Variants in SUGCT observed in about 807,000 individuals in gnomAD.
The protein encoded by SUGCT is succinyl-CoA:glutarate CoA-transferase.
Under a neutral mutation model 55.0 loss-of-function variants are expected in SUGCT, and 41 were observed. That is an observed-to-expected ratio of 0.74 (90% CI 0.58 to 0.97). The LOEUF (loss-of-function observed/expected upper bound fraction) is 0.97. SUGCT is among the 50% of genes least tolerant of loss of function. The pLI, the probability that SUGCT is intolerant of heterozygous loss-of-function variation, is 0.00. For missense variants in SUGCT, 568 were observed against 547.8 expected (o/e 1.04, Z -0.37); for synonymous variants, 187 against 200.4 (o/e 0.93, Z 0.56).
chr7:40,499,121 T>C (rs1394518169), intron 12 of SUGCT: 1 of 456,724 alleles, frequency 2.2e-6, no homozygotes, highest in Admixed American at 2.3e-5. Context: ...CTGGCGCGTG[T>C]GGCCCACTCT....
At chr7:40,260,906 C>T (rs766977719) in intron 7 of SUGCT, among the ~76,000 whole-genome samples, 11 of 152,210 alleles carry the variant, frequency 7.2e-5, no homozygotes, top group South Asian at 2.1e-4. Flanking sequence ...GCTGGGATTA[C>T]AGGTGTGAGC....
intron 13 of SUGCT, among the ~76,000 whole-genome samples, chr7:40,837,787 T>C (rs1793067952): frequency 6.6e-6 from 1 of 152,098 alleles, no homozygotes; most frequent in African/African-American, 2.4e-5. Flanking sequence ...CTAATTTTTG[T>C]ATTTTTAGTA....
chr7:40,328,693 C>A (rs1389037014), intron 9 of SUGCT, among the ~76,000 whole-genome samples: 1 of 151,858 alleles, frequency 6.6e-6, no homozygotes, highest in Non-Finnish European at 1.5e-5. Flanking sequence ...CTTTATTGAA[C>A]AAGAAAGTGG....
At chr7:40,628,032 AT>A (rs1375429532) in intron 12 of SUGCT, among the ~76,000 whole-genome samples, 2 of 152,162 alleles carry the variant, frequency 1.3e-5, no homozygotes, top group African/African-American at 4.8e-5. Context: ...ATTTAAATGT[AT>A]TGTGCAGTAG....
In SUGCT at chr7:40,274,543, A is replaced by T; in HGVS notation, c.607A>T (p.Met203Leu). 6.2e-7 allele frequency: 1 copy of T among 1,613,802 alleles called. No homozygotes were observed. Among genetic ancestry groups the T allele is most frequent in the African/African-American group, 1.3e-5 (1 of 75,058 alleles). ...AGATCCAGTTCGCCCAGGAGTAGCT[A>T]TGACTGATCTTGCCACTGGCCTGTA... is the stretch of plus-strand genomic sequence containing the variant. ...NGDPVRPGVAMTDLATGLYAY... is the reference protein window; with the variant it reads ...NGDPVRPGVALTDLATGLYAY... Residue 203 changes from methionine (M) to leucine (L), a missense_variant, in exon 8 of 14, where the codon ATG becomes TTG. Coordinates refer to ENST00000335693, the MANE Select transcript of SUGCT (RefSeq NM_001193313.2).
chr7:40,830,893 C>T (rs1425222566), intron 13 of SUGCT, among the ~76,000 whole-genome samples: 1 of 152,162 alleles, frequency 6.6e-6, no homozygotes, highest in Non-Finnish European at 1.5e-5. Flanking sequence ...CCCTGTACCA[C>T]CTTGCATCTC....
chr7:40,988,528 T>C, the SUGCT span, among the ~76,000 whole-genome samples: 1 of 152,022 alleles, frequency 6.6e-6, no homozygotes, highest in Non-Finnish European at 1.5e-5. Flanking sequence ...ACTGACTTTA[T>C]AGAGTGCTCT....
the SUGCT span, among the ~76,000 whole-genome samples, chr7:40,898,476 AGGTCG>A: frequency 3.6e-3 from 1 of 274 alleles, no homozygotes; most frequent in African/African-American, 6.7e-3. Context: ...GCACTCCGGG[AGGTCG>A]GGGGGGGGGG....
intron 12 of SUGCT, among the ~76,000 whole-genome samples, chr7:40,662,567 T>A (rs1289220423): frequency 6.6e-6 from 1 of 152,188 alleles, no homozygotes; most frequent in Non-Finnish European, 1.5e-5. Flanking sequence ...GCCAAGCTCA[T>A]CCCTATCACA....
intron 9 of SUGCT, among the ~76,000 whole-genome samples, chr7:40,445,192 A>T (rs753672913): frequency 3.3e-5 from 5 of 152,152 alleles, no homozygotes; most frequent in Non-Finnish European, 4.4e-5. Context: ...CCCTTAAAAA[A>T]ATCAATGAAT....
intron 12 of SUGCT, among the ~76,000 whole-genome samples, chr7:40,688,939 C>G (rs946256125): frequency 2.6e-5 from 4 of 152,076 alleles, no homozygotes; most frequent in African/African-American, 9.7e-5. Flanking sequence ...CATCACACTA[C>G]TGAATTCTGA....
At chr7:40,588,225 TTC>T (rs1797506932) in intron 12 of SUGCT, among the ~76,000 whole-genome samples, 1 of 151,246 alleles carries the variant, frequency 6.6e-6, no homozygotes, top group African/African-American at 2.5e-5. Context: ...TCTAAGAAAA[TTC>T]TCTTTTTTTT....
intron 9 of SUGCT, among the ~76,000 whole-genome samples, chr7:40,419,624 C>T (rs1467060383): frequency 1.3e-5 from 2 of 152,086 alleles, no homozygotes; most frequent in Non-Finnish European, 2.9e-5. Context: ...CAAGAGCGTG[C>T]TCATCTCTTT....
intron 9 of SUGCT, among the ~76,000 whole-genome samples, chr7:40,402,151 A>G (rs569982640): frequency 6.6e-6 from 1 of 151,672 alleles, no homozygotes; most frequent in South Asian, 2.1e-4. Context: ...TTTTTTTCAA[A>G]TGAATGAGAC....
At chr7:40,522,851 A>G (rs373853384) in intron 12 of SUGCT, among the ~76,000 whole-genome samples, 19 of 152,210 alleles carry the variant, frequency 1.2e-4, no homozygotes, top group South Asian at 8.3e-4. Context: ...TCACGCTGCT[A>G]TTATAGGTGA....
intron 9 of SUGCT, among the ~76,000 whole-genome samples, chr7:40,331,081 C>CA (rs557648869): frequency 0.13 from 20,161 of 151,780 alleles, 1,604 homozygotes; most frequent in East Asian, 0.44. Flanking sequence ...AAGAAAATCA[C>CA]AAAAAAAATC....
At chr7:40,712,844 C>A (rs1371946351) in intron 12 of SUGCT, among the ~76,000 whole-genome samples, 1 of 152,176 alleles carries the variant, frequency 6.6e-6, no homozygotes, top group African/African-American at 2.4e-5. Flanking sequence ...TCTTTTGAAA[C>A]CTTTAGATTT....
intron 12 of SUGCT, among the ~76,000 whole-genome samples, chr7:40,622,204 G>A (rs1799293842): frequency 6.6e-6 from 1 of 152,210 alleles, no homozygotes; most frequent in South Asian, 2.1e-4. Flanking sequence ...CTTGGGGCAG[G>A]TTTTTGGAAA....
At chr7:40,606,903 G>A (rs897559680) in intron 12 of SUGCT, among the ~76,000 whole-genome samples, 28 of 152,128 alleles carry the variant, frequency 1.8e-4, no homozygotes, top group African/African-American at 6.8e-4. Context: ...AATGCAGAAA[G>A]TTCTAATTTG....
Sources: gnomAD v4.1 joint callset for allele counts (sites outside exome capture counted in the v4.1 genomes callset) on GRCh38, gnomAD v4.1.1 for gene constraint, MANE v1.5 for transcripts, NCBI Gene and HGNC (gene_info 2026-07-23, HGNC 2026-07-21) for gene names.